Variants in KAZN observed in about 807,000 individuals in gnomAD.
KAZN encodes kazrin.
A neutral mutation model predicts 87.4 loss-of-function variants in KAZN; 40 were observed. The observed-to-expected ratio is 0.46, with a 90% CI of 0.36 to 0.60. The LOEUF (loss-of-function observed/expected upper bound fraction) is 0.60. Ranked by LOEUF, KAZN falls within the 20% of genes least tolerant of loss-of-function variation. The pLI is 0.00. For missense variants in KAZN, 898 were observed against 1,073.9 expected (o/e 0.84, Z 2.29); for synonymous variants, 466 against 458.3 (o/e 1.02, Z -0.22).
At chr1:14,185,479 T>C (rs962881498) in intron 2 of KAZN, among the ~76,000 whole-genome samples, 4 of 152,342 alleles carry the variant, frequency 2.6e-5, no homozygotes, top group Middle Eastern at 3.4e-3. Flanking sequence ...AAATAATCCA[T>C]GTGCTCCATT....
chr1:13,960,166 C>A (rs1301149502), intron 1 of KAZN, among the ~76,000 whole-genome samples: 1 of 149,742 alleles, frequency 6.7e-6, no homozygotes, highest in Non-Finnish European at 1.5e-5. Flanking sequence ...ATAAATAATT[C>A]ACTTCTACAA....
At chr1:14,795,979 T>C (rs1645816130) in intron 1 of KAZN, among the ~76,000 whole-genome samples, 1 of 152,098 alleles carries the variant, frequency 6.6e-6, no homozygotes, top group African/African-American at 2.4e-5. Context: ...ATACTGTACA[T>C]TTGCTGTGTG....
At chr1:14,351,138 G>A (rs1044171098) in intron 2 of KAZN, 1 of 152,228 alleles carries the variant, frequency 6.6e-6, no homozygotes, top group Non-Finnish European at 1.5e-5. Flanking sequence ...TTTCCTGGCA[G>A]GTGTGTTTCT....
intron 2 of KAZN, among the ~76,000 whole-genome samples, chr1:14,372,418 G>A (rs1660564453): frequency 6.6e-6 from 1 of 152,184 alleles, no homozygotes; most frequent in Admixed American, 6.5e-5. Context: ...CTTCGTGCTA[G>A]TGACAGGCAT....
chr1:14,823,105 C>T (rs1156547355), intron 1 of KAZN, among the ~76,000 whole-genome samples: 2 of 147,678 alleles, frequency 1.4e-5, no homozygotes, highest in African/African-American at 5.4e-5. Flanking sequence ...CCCCGTTCTC[C>T]TCCCTCTGTA....
chr1:14,785,490 T>C (rs1474742816), intron 1 of KAZN, among the ~76,000 whole-genome samples: 2 of 152,136 alleles, frequency 1.3e-5, no homozygotes, highest in East Asian at 1.9e-4. Flanking sequence ...CCTCTGGCGC[T>C]GTAGAAAATT....
chr1:14,355,538 T>C (rs1203745650), intron 2 of KAZN, among the ~76,000 whole-genome samples: 2 of 152,132 alleles, frequency 1.3e-5, no homozygotes, highest in East Asian at 3.8e-4. Flanking sequence ...CAACCCGTCA[T>C]TGATCTACAT....
intron 1 of KAZN, among the ~76,000 whole-genome samples, chr1:14,776,031 A>G (rs1481604464): frequency 6.6e-6 from 1 of 152,004 alleles, no homozygotes; most frequent in African/African-American, 2.4e-5. Context: ...TTTTTCTGAG[A>G]CAGAGTCTTG....
intron 1 of KAZN, among the ~76,000 whole-genome samples, chr1:14,062,137 C>G (rs1415627885): frequency 6.6e-6 from 1 of 152,042 alleles, no homozygotes; most frequent in African/African-American, 2.4e-5. Context: ...GACACTTAGC[C>G]ACCAAATAAT....
intron 2 of KAZN, among the ~76,000 whole-genome samples, chr1:14,233,007 T>C (rs942916168): frequency 6.6e-5 from 10 of 152,370 alleles, no homozygotes; most frequent in African/African-American, 2.2e-4. Context: ...AACAACATTG[T>C]AAGCATCATC....
At chr1:14,430,610 C>T (rs1160227835) in intron 2 of KAZN, among the ~76,000 whole-genome samples, 6 of 152,116 alleles carry the variant, frequency 3.9e-5, no homozygotes, top group African/African-American at 1.4e-4. Context: ...GACAGGATAA[C>T]CACTGTTTTC....
At chr1:14,109,027 C>T (rs1176917363) in intron 1 of KAZN, among the ~76,000 whole-genome samples, 5 of 152,164 alleles carry the variant, frequency 3.3e-5, no homozygotes, top group East Asian at 1.9e-4. Context: ...GCAATGTGGC[C>T]GAGCTCGCAT....
intron 2 of KAZN, among the ~76,000 whole-genome samples, chr1:14,419,697 C>G (rs1005339609): frequency 6.6e-6 from 1 of 152,144 alleles, no homozygotes; most frequent in Non-Finnish European, 1.5e-5. Context: ...ATCTCGCTGG[C>G]TTCATTCAAG....
chr1:14,898,521 C>A (rs1368486527), intron 1 of KAZN, among the ~76,000 whole-genome samples: 1 of 152,126 alleles, frequency 6.6e-6, no homozygotes, highest in Non-Finnish European at 1.5e-5. Flanking sequence ...ATCAGGAAGT[C>A]AGGGCAGGAC....
intron 1 of KAZN, among the ~76,000 whole-genome samples, chr1:14,137,518 A>G (rs1395752710): frequency 2.0e-5 from 3 of 151,934 alleles, no homozygotes; most frequent in Non-Finnish European, 4.4e-5. Context: ...TATTGATACC[A>G]CCTCTCAGCT....
intron 1 of KAZN, among the ~76,000 whole-genome samples, chr1:14,061,539 A>G (rs1642794529): frequency 6.6e-6 from 1 of 152,222 alleles, no homozygotes; most frequent in Admixed American, 6.5e-5. Context: ...AAAAGAGGCA[A>G]GCAGACCCAC....
At position 14,180,593 on chromosome 1, in the gene KAZN, G is replaced by A; in HGVS notation, c.249+1G>A. ...GAGGCACCTCTTAATGGATGCTCAG[G>A]TACAAAGATCAATACAGAAATTCTC... On this transcript the variant is annotated splice_donor_variant, in intron 2 of 16. Coordinates refer to the KAZN transcript ENST00000636203. LOFTEE classifies it high-confidence loss of function. 1 of 1,547,242 alleles carries A rather than the reference G, an allele frequency of 6.5e-7. No homozygotes were observed. Among genetic ancestry groups the A allele is most frequent in the Non-Finnish European group, 8.7e-7 (1 of 1,145,682 alleles).
chr1:14,789,293 CAT>C (rs141778236), intron 1 of KAZN, among the ~76,000 whole-genome samples: 2,618 of 152,248 alleles, frequency 0.017, 40 homozygotes, highest in African/African-American at 0.045. Flanking sequence ...GGGAAGAACA[CAT>C]GTGATTAAGT....
At chr1:14,661,335 G>A (rs1639153149) in intron 1 of KAZN, among the ~76,000 whole-genome samples, 1 of 152,074 alleles carries the variant, frequency 6.6e-6, no homozygotes, top group Admixed American at 6.6e-5. Context: ...CTCATGGATG[G>A]TCTCTTGAGG....
Sources: gnomAD v4.1 joint callset for allele counts (sites outside exome capture counted in the v4.1 genomes callset) on GRCh38, gnomAD v4.1.1 for gene constraint, MANE v1.5 for transcripts, NCBI Gene and HGNC (gene_info 2026-07-23, HGNC 2026-07-21) for gene names.